The following CSMD1 variants were observed in gnomAD, a reference collection of about 807,000 sequenced individuals.
The protein encoded by CSMD1 is CUB and sushi domain-containing protein 1.
A neutral mutation model predicts 417.5 loss-of-function variants in CSMD1; 213 were observed. The observed-to-expected ratio is 0.51, with a 90% CI of 0.46 to 0.57. The LOEUF (loss-of-function observed/expected upper bound fraction) is 0.57. Among genes scored for constraint, CSMD1 ranks in the 20% least tolerant of loss-of-function variants. The pLI, the probability that CSMD1 is intolerant of heterozygous loss-of-function variation, is 0.00. For synonymous variants in CSMD1, 2,862 were observed against 1,736.8 expected (o/e 1.65, Z -16.11); for missense variants, 6,923 against 4,529.7 (o/e 1.53, Z -15.17).
chr8:3,595,034 G>A (rs867463137), intron 8 of CSMD1, among the ~76,000 whole-genome samples: 11 of 152,160 alleles, frequency 7.2e-5, no homozygotes, highest in South Asian at 2.1e-4. Context: ...GCATCCACGC[G>A]GCACGTGAAC....
At chr8:3,553,572 T>C (rs1022699835) in intron 10 of CSMD1, among the ~76,000 whole-genome samples, 2 of 152,202 alleles carry the variant, frequency 1.3e-5, no homozygotes, top group African/African-American at 4.8e-5. Flanking sequence ...ATTACAGCTC[T>C]ACCTTTTATC....
At chr8:4,945,214 A>G (rs940376020) in intron 1 of CSMD1, among the ~76,000 whole-genome samples, 1 of 152,166 alleles carries the variant, frequency 6.6e-6, no homozygotes. Flanking sequence ...TTAGAGATAG[A>G]AAGTAGAATG....
chr8:3,981,063 C>T (rs536687091), intron 5 of CSMD1, among the ~76,000 whole-genome samples: 8 of 152,238 alleles, frequency 5.3e-5, no homozygotes, highest in East Asian at 3.9e-4. Flanking sequence ...CAAAAACGCC[C>T]GTACTTGTAG....
intron 49 of CSMD1, among the ~76,000 whole-genome samples, chr8:3,074,305 G>A (rs961954677): frequency 7.9e-5 from 12 of 152,150 alleles, no homozygotes; most frequent in Admixed American, 5.9e-4. Flanking sequence ...CGTCTGGTGA[G>A]GTCCTACAAT....
chr8:4,431,056 T>A (rs1180897701), intron 2 of CSMD1, among the ~76,000 whole-genome samples: 1 of 152,166 alleles, frequency 6.6e-6, no homozygotes, highest in Non-Finnish European at 1.5e-5. Flanking sequence ...TCGTGGAGTG[T>A]CCATTTTATT....
intron 20 of CSMD1, among the ~76,000 whole-genome samples, chr8:3,365,853 T>C (rs1327595779): frequency 1.3e-5 from 2 of 152,206 alleles, no homozygotes; most frequent in African/African-American, 4.8e-5. Flanking sequence ...CCCCGCACAG[T>C]GGAACATCAT....
intron 26 of CSMD1, among the ~76,000 whole-genome samples, chr8:3,267,389 G>A (rs1182139686): frequency 6.6e-6 from 1 of 152,194 alleles, no homozygotes; most frequent in Non-Finnish European, 1.5e-5. Context: ...ACAAAGGTGC[G>A]TTGGAGCAAG....
At chr8:4,154,096 CAA>C (rs932028340) in intron 3 of CSMD1, among the ~76,000 whole-genome samples, 4 of 152,138 alleles carry the variant, frequency 2.6e-5, no homozygotes, top group African/African-American at 7.2e-5. Flanking sequence ...GAAAATACAG[CAA>C]AGAGTCAGGA....
intron 1 of CSMD1, among the ~76,000 whole-genome samples, chr8:4,778,019 G>A (rs749489555): frequency 2.6e-4 from 40 of 152,196 alleles, no homozygotes; most frequent in African/African-American, 8.9e-4. Context: ...ATATATTCCC[G>A]TTCTAGATGG....
At chr8:4,169,899 C>G (rs1232620540) in intron 3 of CSMD1, among the ~76,000 whole-genome samples, 1 of 149,694 alleles carries the variant, frequency 6.7e-6, no homozygotes, top group African/African-American at 2.6e-5. Flanking sequence ...CTATGAGTAC[C>G]TGTTTCCACT....
intron 3 of CSMD1, among the ~76,000 whole-genome samples, chr8:4,254,736 G>A (rs1700096): frequency 0.73 from 111,376 of 151,958 alleles, 42,594 homozygotes; most frequent in Non-Finnish European, 0.85. Flanking sequence ...TGTATCTTCA[G>A]ATCTGCAAAG....
chr8:3,070,984 A>T (rs1471684625), intron 49 of CSMD1, among the ~76,000 whole-genome samples: 1 of 152,092 alleles, frequency 6.6e-6, no homozygotes, highest in Admixed American at 6.6e-5. Context: ...TCCTGGGGAG[A>T]CCTGAGGGAG....
intron 37 of CSMD1, among the ~76,000 whole-genome samples, chr8:3,178,023 T>C: frequency 6.6e-6 from 1 of 152,226 alleles, no homozygotes; most frequent in East Asian, 1.9e-4. Flanking sequence ...ATATTAATAA[T>C]TCAAAGATGC....
In CSMD1 at chr8:3,931,743, A is replaced by G. The variant is rs1188649342; in HGVS notation, c.818+66160T>C. On this transcript the variant is annotated intron_variant, in intron 5 of 69. Transcript: ENST00000635120. Reference sequence around the variant, plus strand: ...TTACAAGGCTTTAATCTCAATCCACACCAGAGGAAACAAGGTGAGCAAGGA... The same window carrying G: ...TTACAAGGCTTTAATCTCAATCCACGCCAGAGGAAACAAGGTGAGCAAGGA... 1.3e-5 allele frequency among the ~76,000 whole-genome samples: 2 copies of G among 148,912 alleles called. 1 individual carries two copies. The highest frequency in any genetic ancestry group is 3.0e-5 in the Non-Finnish European group (2 of 67,206).
intron 3 of CSMD1, among the ~76,000 whole-genome samples, chr8:4,184,370 G>T (rs1026719666): frequency 6.6e-6 from 1 of 152,148 alleles, no homozygotes; most frequent in Non-Finnish European, 1.5e-5. Flanking sequence ...TGTGCTCCCT[G>T]AAAACTAGCT....
chr8:4,280,937 C>G (rs1479608574), intron 3 of CSMD1, among the ~76,000 whole-genome samples: 1 of 152,136 alleles, frequency 6.6e-6, no homozygotes, highest in Non-Finnish European at 1.5e-5. Context: ...ATATACATAT[C>G]CACGTTTTTT....
intron 2 of CSMD1, among the ~76,000 whole-genome samples, chr8:4,560,840 G>A (rs1474915873): frequency 6.6e-6 from 1 of 152,156 alleles, no homozygotes; most frequent in Non-Finnish European, 1.5e-5. Context: ...CACAAGAGAT[G>A]TTCACCAGCA....
intron 3 of CSMD1, among the ~76,000 whole-genome samples, chr8:4,395,587 T>C (rs138024574): frequency 1.3e-5 from 2 of 151,904 alleles, no homozygotes; most frequent in African/African-American, 4.8e-5. Context: ...AAGAGGAGGA[T>C]AGATTTCAGG....
intron 3 of CSMD1, among the ~76,000 whole-genome samples, chr8:4,183,784 C>A (rs1014421664): frequency 6.6e-6 from 1 of 152,144 alleles, no homozygotes; most frequent in Non-Finnish European, 1.5e-5. Context: ...GCTTTTCTTT[C>A]AGCATCACTT....
Sources: gnomAD v4.1 joint callset for allele counts (sites outside exome capture counted in the v4.1 genomes callset) on GRCh38, gnomAD v4.1.1 for gene constraint, MANE v1.5 for transcripts, NCBI Gene and HGNC (gene_info 2026-07-23, HGNC 2026-07-21) for gene names.